The following PSEN1 variants were observed in gnomAD, a reference collection of about 807,000 sequenced individuals.
PSEN1 encodes presenilin 1, also known as presenilin-1.
Under a neutral mutation model 53.5 loss-of-function variants are expected in PSEN1, and 15 were observed. The ratio of observed to expected loss-of-function variants is 0.28; its 90% CI spans 0.19 to 0.43. The LOEUF (loss-of-function observed/expected upper bound fraction) is 0.43. Among genes scored for constraint, PSEN1 ranks in the 20% least tolerant of loss-of-function variants. The probability of loss-of-function intolerance (pLI) is 1.00; values close to 1 mark genes in which losing one functional copy is unlikely to be tolerated. For missense variants in PSEN1, 387 were observed against 571.2 expected, an observed-to-expected ratio of 0.68 and a Z score of 3.29; for synonymous variants, 208 against 209.8, an observed-to-expected ratio of 0.99 and a Z score of 0.08.
chr14:73,198,549 T>A (rs1280840405), intron 8 of PSEN1, among the ~76,000 whole-genome samples: 1 of 151,966 alleles, frequency 6.6e-6, no homozygotes, highest in East Asian at 1.9e-4. Flanking sequence ...TGAGATGAAT[T>A]GGTGGGTTGG....
At chr14:73,174,927 G>A (rs543112247) in intron 5 of PSEN1, among the ~76,000 whole-genome samples, 81 of 152,250 alleles carry the variant, frequency 5.3e-4, no homozygotes, top group Admixed American at 2.1e-3. Context: ...ACCTACTGCT[G>A]AGTTTCAGCC....
At chr14:73,168,432 TG>T (rs1455809076) in intron 3 of PSEN1, 3 of 151,508 alleles carry the variant, frequency 2.0e-5, no homozygotes, top group African/African-American at 7.3e-5. Context: ...GGGATATAAA[TG>T]GCTGTGTGTT....
At chr14:73,195,887 T>G (rs1898920258) in intron 7 of PSEN1, among the ~76,000 whole-genome samples, 1 of 152,226 alleles carries the variant, frequency 6.6e-6, no homozygotes, top group African/African-American at 2.4e-5. Flanking sequence ...GCTAAGAAAC[T>G]TGAAGTTTAC....
chr14:73,192,966 A>G (rs1898787260), intron 7 of PSEN1, 102 bp downstream of exon 7: 1 of 877,130 alleles, frequency 1.1e-6, no homozygotes, highest in Non-Finnish European at 1.9e-6. Context: ...GGTAACGTGT[A>G]CATCCCATAA....
At chr14:73,149,041 T>G (rs1457863792) in intron 3 of PSEN1, among the ~76,000 whole-genome samples, 2 of 152,070 alleles carry the variant, frequency 1.3e-5, no homozygotes, top group Non-Finnish European at 2.9e-5. Flanking sequence ...TTTTTAGAGG[T>G]GGACCCAGAA....
In PSEN1 at chr14:73,222,961, G is replaced by A. The variant is rs1882665597; in HGVS notation, c.*3672G>A. ...GGACATTTGGTTTTGCCCTTGGGCT[G>A]GAAACTATCATATAATCATAAGTTT... On this transcript the variant is annotated 3_prime_UTR_variant, in exon 12 of 12. Transcript: ENST00000324501. 1 of 152,214 alleles carries A rather than the reference G, an allele frequency of 6.6e-6. No homozygotes were observed. Among genetic ancestry groups the A allele is most frequent in the East Asian group, 1.9e-4 (1 of 5,202 alleles). The allele number at this position is 152,214 out of a possible 1,614,324, so 9.4% of individuals were successfully genotyped here.
chr14:73,219,424 A>G lies in PSEN1; in HGVS notation c.*135A>G. ...GCTGGACTTTTGCAGCTTCCTTCCA[A>G]GTCTTCCTGACCACCTTGCACTATT... On this transcript the variant is annotated 3_prime_UTR_variant, in exon 12 of 12. Coordinates refer to ENST00000324501, the MANE Select transcript of PSEN1 (RefSeq NM_000021.4). 2.0e-6 allele frequency: 2 copies of G among 1,008,290 alleles called. No homozygotes were observed. The highest frequency in any genetic ancestry group is 2.4e-5 in the East Asian group (1 of 42,028). 62.5% of individuals were successfully genotyped at this position (1,008,290 alleles called of 1,614,324 possible).
chr14:73,187,987 G>C (rs143258167), intron 6 of PSEN1, among the ~76,000 whole-genome samples: 3,462 of 152,098 alleles, frequency 0.023, 136 homozygotes, highest in African/African-American at 0.076. Flanking sequence ...GGAGTGCAGT[G>C]GCATGATCTC....
At chr14:73,164,139 G>C (rs1036221696) in intron 3 of PSEN1, among the ~76,000 whole-genome samples, 1 of 152,156 alleles carries the variant, frequency 6.6e-6, no homozygotes, top group African/African-American at 2.4e-5. Flanking sequence ...ACTAGACAGA[G>C]GTACTAAGGA....
chr14:73,156,361 A>T (rs1261629364), intron 3 of PSEN1, among the ~76,000 whole-genome samples: 1 of 151,204 alleles, frequency 6.6e-6, no homozygotes, highest in East Asian at 1.9e-4. Context: ...GTCTCAAAAA[A>T]TAATAATAAT....
intron 9 of PSEN1, among the ~76,000 whole-genome samples, chr14:73,210,260 A>G (rs1899625126): frequency 6.6e-6 from 1 of 152,256 alleles, no homozygotes; most frequent in African/African-American, 2.4e-5. Flanking sequence ...TCCAAAGAAA[A>G]CAAAAACTTG....
chr14:73,208,591 C>A (rs1317581385), intron 9 of PSEN1, among the ~76,000 whole-genome samples: 2 of 152,222 alleles, frequency 1.3e-5, no homozygotes, highest in East Asian at 3.8e-4. Flanking sequence ...TAGCTTCTTT[C>A]TGCAGGCAGG....
At chr14:73,141,721 G>T (rs970198512) in intron 1 of PSEN1, among the ~76,000 whole-genome samples, 4 of 151,990 alleles carry the variant, frequency 2.6e-5, no homozygotes, top group African/African-American at 9.7e-5. Flanking sequence ...GGAGGTGGAA[G>T]TTGCAGTGAG....
At chr14:73,167,869 A>T (rs1594992825) in intron 3 of PSEN1, 1 of 115,486 alleles carries the variant, frequency 8.7e-6, no homozygotes, top group South Asian at 2.5e-4. Flanking sequence ...GATTGCCTTT[A>T]CCTTCTCAGT....
In PSEN1 at chr14:73,220,254, A is replaced by T. The variant is rs200612813; in HGVS notation, c.*965A>T. The T allele has an allele frequency of 1.3e-5, 2 of 152,462 alleles. No individual in the cohort carries two copies. Among genetic ancestry groups the T allele is most frequent in the Non-Finnish European group, 2.9e-5 (2 of 68,038 alleles). 9.4% of individuals were successfully genotyped at this position (152,462 alleles called of 1,614,324 possible). On this transcript the variant is annotated 3_prime_UTR_variant, in exon 12 of 12. Coordinates refer to ENST00000324501, the MANE Select transcript of PSEN1 (RefSeq NM_000021.4). ...CTCTGTCGTGGTAGCAGATGGTCCC[A>T]TTATTCTAGGGTCTTACTCTTTGTA... is the stretch of plus-strand genomic sequence containing the variant.
Position 73,220,723 on chromosome 14 carries a change from C to G in PSEN1, c.*1434C>G, listed in dbSNP as rs1261083294. 2 of 152,206 alleles carry G rather than the reference C, an allele frequency of 1.3e-5. No homozygotes were observed. The highest frequency in any genetic ancestry group is 2.4e-5 in the African/African-American group (1 of 41,442). 9.4% of individuals were successfully genotyped at this position (152,206 alleles called of 1,614,324 possible). A position where few individuals can be genotyped will look rare whatever the true frequency, so the allele number is the denominator to read the frequency against. On this transcript the variant is annotated 3_prime_UTR_variant, in exon 12 of 12. Coordinates refer to ENST00000324501, the MANE Select transcript of PSEN1 (RefSeq NM_000021.4). Reference sequence around the variant, plus strand: ...TCTCTGCCCGCGTTACCTTTCCTCTCAATGTACCTTTGTGTGAACTGGGCA... The same window carrying G: ...TCTCTGCCCGCGTTACCTTTCCTCTGAATGTACCTTTGTGTGAACTGGGCA...
chr14:73,179,450 C>T (rs1418824112), intron 5 of PSEN1, among the ~76,000 whole-genome samples: 2 of 152,146 alleles, frequency 1.3e-5, no homozygotes, highest in African/African-American at 4.8e-5. Context: ...AAACCTGTCT[C>T]TACTAAAATA....
chr14:73,163,335 C>T (rs1025580516), intron 3 of PSEN1, among the ~76,000 whole-genome samples: 9 of 152,270 alleles, frequency 5.9e-5, no homozygotes, highest in African/African-American at 1.4e-4. Context: ...CCCAGCACTT[C>T]GGGAGGCCAA....
intron 3 of PSEN1, among the ~76,000 whole-genome samples, chr14:73,170,542 A>G (rs1897855020): frequency 2.6e-5 from 4 of 152,234 alleles, no homozygotes; most frequent in African/African-American, 7.2e-5. Context: ...AAGGATAAGT[A>G]CAATTGTGTA....
Sources: gnomAD v4.1 joint callset for allele counts (sites outside exome capture counted in the v4.1 genomes callset) on GRCh38, gnomAD v4.1.1 for gene constraint, MANE v1.5 for transcripts, NCBI Gene and HGNC (gene_info 2026-07-23, HGNC 2026-07-21) for gene names.